Variants in LPA observed in about 807,000 individuals in gnomAD.
LPA encodes the protein lipoprotein(a), also known as apolipoprotein(a).
Under a neutral mutation model 197.9 loss-of-function variants are expected in LPA, and 199 were observed. The ratio of observed to expected loss-of-function variants is 1.01; its 90% CI spans 0.90 to 1.13. LPA has a LOEUF of 1.13. LPA is among the 50% of genes most tolerant of loss of function. The pLI, the probability that LPA is intolerant of heterozygous loss-of-function variation, is 0.00. For missense variants in LPA, 1,853 were observed against 1,785.8 expected, an observed-to-expected ratio of 1.04 and a Z score of -0.68; for synonymous variants, 715 against 639.5, an observed-to-expected ratio of 1.12 and a Z score of -1.78.
intron 28 of LPA, among the ~76,000 whole-genome samples, chr6:160,568,970 A>G (rs896219094): frequency 1.3e-5 from 2 of 152,328 alleles, no homozygotes; most frequent in East Asian, 3.9e-4. Flanking sequence ...CCACTGCTTA[A>G]TGAAATAAAA....
intron 1 of LPA, among the ~76,000 whole-genome samples, 162 bp from the exon 2 acceptor site, chr6:160,650,659 C>A (rs2115099246): frequency 6.6e-6 from 1 of 152,288 alleles, no homozygotes; most frequent in Admixed American, 6.5e-5. Context: ...GGAATAGATT[C>A]ATATCATTCT....
At chr6:160,602,044 T>C (rs1433185305) in intron 18 of LPA, among the ~76,000 whole-genome samples, 1 of 152,186 alleles carries the variant, frequency 6.6e-6, no homozygotes, top group Non-Finnish European at 1.5e-5. Flanking sequence ...ATCCTCCCAT[T>C]CGTGACCTGT....
At position 160,595,317 on chromosome 6, in the gene LPA, G is replaced by T. The variant is rs199808847; in HGVS notation, c.3469+37C>A. Reference sequence around the variant, plus strand: ...ATTTTGCAACTCTTTTCATCCCAACGTCCTAGGGTGTGGTTGTCTGGCCAT... The same window carrying T: ...ATTTTGCAACTCTTTTCATCCCAACTTCCTAGGGTGTGGTTGTCTGGCCAT... On this transcript the variant is annotated intron_variant, in intron 21 of 38. Coordinates refer to ENST00000316300, the MANE Select transcript of LPA (RefSeq NM_005577.4). The T allele has an allele frequency of 2.0e-4, 320 of 1,608,324 alleles. 2 individuals carry two copies. Among genetic ancestry groups the T allele is most frequent in the South Asian group, 1.9e-3 (176 of 91,038 alleles).
intron 33 of LPA, among the ~76,000 whole-genome samples, chr6:160,545,159 C>T (rs41264858): frequency 0.017 from 2,572 of 152,078 alleles, 53 homozygotes; most frequent in Middle Eastern, 0.061. Context: ...GTGGGACTAT[C>T]CCGGGCTGAT....
intron 28 of LPA, among the ~76,000 whole-genome samples, chr6:160,573,376 T>C (rs1778597726): frequency 6.6e-6 from 1 of 152,110 alleles, no homozygotes; most frequent in South Asian, 2.1e-4. Context: ...TGCATTGGGC[T>C]TTGCCTTTCT....
At chr6:160,538,726 TGTG>T in intron 36 of LPA, among the ~76,000 whole-genome samples, 1 of 152,204 alleles carries the variant, frequency 6.6e-6, no homozygotes, top group Non-Finnish European at 1.5e-5. Context: ...AGGCCCAGCC[TGTG>T]ATGCAGATGT....
At chr6:160,544,438 A>G (rs953139636) in intron 33 of LPA, among the ~76,000 whole-genome samples, 2 of 152,150 alleles carry the variant, frequency 1.3e-5, no homozygotes, top group African/African-American at 4.8e-5. Context: ...CATTATAATA[A>G]TATTGGCCAA....
At chr6:160,556,434 ACT>A (rs1374118271) in intron 29 of LPA, among the ~76,000 whole-genome samples, 2 of 152,094 alleles carry the variant, frequency 1.3e-5, no homozygotes, top group Non-Finnish European at 2.9e-5. Context: ...TGGAACAAAG[ACT>A]CATGTGCAAG....
intron 28 of LPA, 150 bp from the exon 29 acceptor site, chr6:160,557,721 G>A: frequency 1.1e-5 from 7 of 615,770 alleles, no homozygotes; most frequent in Admixed American, 5.7e-5. Flanking sequence ...AAGCAAAAAC[G>A]GTCCTCAAGT....
intron 1 of LPA, among the ~76,000 whole-genome samples, chr6:160,651,897 G>T (rs764063032): frequency 1.1e-4 from 17 of 151,726 alleles, no homozygotes; most frequent in Non-Finnish European, 2.1e-4. Flanking sequence ...CAGAGATGAA[G>T]AATTCTCTGA....
chr6:160,547,652 T>C, intron 32 of LPA, 137 bp downstream of exon 32: 2 of 1,169,210 alleles, frequency 1.7e-6, no homozygotes, highest in Admixed American at 1.8e-5. Context: ...TTTGCTGGCC[T>C]GTGCTGCTTG....
intron 29 of LPA, 79 bp downstream of exon 29, chr6:160,557,311 G>T: frequency 1.3e-6 from 2 of 1,503,656 alleles, no homozygotes; most frequent in Non-Finnish European, 1.9e-6. Flanking sequence ...AGCATGGAAG[G>T]CTTCTGCATC....
At chr6:160,584,640 T>A (rs1479335107) in intron 26 of LPA, among the ~76,000 whole-genome samples, 1 of 152,110 alleles carries the variant, frequency 6.6e-6, no homozygotes, top group Non-Finnish European at 1.5e-5. Flanking sequence ...CCTGAATTTG[T>A]TACTTCTGAT....
chr6:160,552,977 T>C (rs1245144042), intron 30 of LPA, among the ~76,000 whole-genome samples: 1 of 152,158 alleles, frequency 6.6e-6, no homozygotes, highest in Non-Finnish European at 1.5e-5. Context: ...TTCCTCTCAG[T>C]TTAAATTTTT....
In LPA at chr6:160,653,988, A is replaced by AGGGG. The variant is rs1355029979; in HGVS notation, c.50-3492_50-3491insCCCC. 2.3e-4 allele frequency among the ~76,000 whole-genome samples: 4 copies of AGGGG among 17,540 alleles called. 1 individual carries two copies. The highest frequency in any genetic ancestry group is 9.8e-4 in the African/African-American group (4 of 4,102). The allele number at this position is 17,540 out of a possible 152,430, so 11.5% of individuals were successfully genotyped here. On this transcript the variant is annotated intron_variant, in intron 1 of 38. Transcript: ENST00000316300. Reference sequence around the variant, plus strand: ...ATATTATATATAATATATAATATATAATATATATTATATATAATATATATT... The same window carrying AGGGG: ...ATATTATATATAATATATAATATATAGGGGATATATATTATATATAATATATATT...
Position 160,600,981 on chromosome 6 carries a change from T to C in LPA, c.3063A>G (p.Glu1021=), listed in dbSNP as rs1779229779. 6.2e-7 allele frequency: 1 copy of C among 1,613,908 alleles called. No homozygotes were observed. ...CATTCGGAGGGACGAAGGCAGTCCA[T>C]TCTGCATCTGAGCATCGTGTCAGGT... The part of the protein sequence containing the change: ...YCNLTRCSDA[E]WTAFVPPNVI... The change falls in exon 19 of 39, where the codon GAA becomes GAG. Residue 1021 remains glutamate, a synonymous_variant. Transcript: ENST00000316300.
chr6:160,546,861 C>A (rs113030881), intron 32 of LPA, among the ~76,000 whole-genome samples: 1 of 152,122 alleles, frequency 6.6e-6, no homozygotes, highest in Non-Finnish European at 1.5e-5. Flanking sequence ...TCATAGGCCC[C>A]AAAGTAAACC....
Position 160,548,471 on chromosome 6 carries a change from T to C in LPA, c.5155+7A>G. ...GTGCTAGACAAGGTAAGACACAGAC[T>C]TCTTACCTTGTTCAGAAGGAGGCCC... is the stretch of plus-strand genomic sequence containing the variant. On this transcript the variant is annotated splice_region_variant and intron_variant, in intron 31 of 38. Coordinates refer to ENST00000316300, the MANE Select transcript of LPA (RefSeq NM_005577.4). 9 of 1,613,474 alleles carry C rather than the reference T, an allele frequency of 5.6e-6. No homozygotes were observed. Among genetic ancestry groups the C allele is most frequent in the African/African-American group, 1.3e-5 (1 of 75,018 alleles).
intron 23 of LPA, among the ~76,000 whole-genome samples, 185 bp downstream of exon 23, chr6:160,590,759 C>T (rs941968199): frequency 2.6e-5 from 4 of 152,134 alleles, no homozygotes; most frequent in African/African-American, 9.7e-5. Flanking sequence ...CACCCTGTCA[C>T]GGGGTGCCAA....
Sources: allele counts gnomAD v4.1 joint callset (sites outside exome capture counted in the v4.1 genomes callset), GRCh38; gene constraint gnomAD v4.1.1; transcripts MANE v1.5; gene names NCBI Gene and HGNC (gene_info 2026-07-23, HGNC 2026-07-21).